The following GRID1 variants were observed in gnomAD, a reference collection of about 807,000 sequenced individuals.
GRID1 encodes the protein glutamate receptor ionotropic, delta-1.
A neutral mutation model predicts 98.0 loss-of-function variants in GRID1; 28 were observed. The ratio of observed to expected loss-of-function variants is 0.29; its 90% CI spans 0.21 to 0.39. The LOEUF (loss-of-function observed/expected upper bound fraction) is 0.39. Ranked by LOEUF, GRID1 falls within the 10% of genes least tolerant of loss-of-function variation. The pLI, the probability that GRID1 is intolerant of heterozygous loss-of-function variation, is 1.00. For synonymous variants in GRID1, 553 were observed against 538.5 expected, an observed-to-expected ratio of 1.03 and a Z score of -0.37; for missense variants, 1,111 against 1,340.5, an observed-to-expected ratio of 0.83 and a Z score of 2.67.
At chr10:86,180,825 T>G (rs1845644951) in intron 3 of GRID1, among the ~76,000 whole-genome samples, 2 of 151,996 alleles carry the variant, frequency 1.3e-5, no homozygotes, top group Admixed American at 6.5e-5. Context: ...GGCAATAAGA[T>G]CCCTGTAGCC....
intron 14 of GRID1, among the ~76,000 whole-genome samples, chr10:85,617,467 C>T (rs1842805801): frequency 6.6e-6 from 1 of 152,114 alleles, no homozygotes; most frequent in African/African-American, 2.4e-5. Context: ...CTCCTGGCCT[C>T]ACGTGATCTG....
chr10:85,613,057 C>T, intron 15 of GRID1: 1 of 256,528 alleles, frequency 3.9e-6, no homozygotes, highest in South Asian at 9.2e-5. Context: ...CTCTCTTACC[C>T]TACAGGTGGT....
chr10:85,627,613 A>T (rs1168223806), intron 13 of GRID1, among the ~76,000 whole-genome samples: 1 of 152,188 alleles, frequency 6.6e-6, no homozygotes, highest in Non-Finnish European at 1.5e-5. Context: ...CAGCTCAGCA[A>T]GCCTCACCTT....
At chr10:85,723,564 C>T (rs1409926766) in intron 11 of GRID1, among the ~76,000 whole-genome samples, 1 of 152,158 alleles carries the variant, frequency 6.6e-6, no homozygotes, top group Non-Finnish European at 1.5e-5. Context: ...ATAACTCCTA[C>T]TACATGGAGG....
chr10:86,121,437 C>G (rs1420397101), intron 4 of GRID1, among the ~76,000 whole-genome samples: 2 of 141,072 alleles, frequency 1.4e-5, no homozygotes, highest in Non-Finnish European at 2.9e-5. Context: ...TTATCATCAT[C>G]ATTAACATAA....
chr10:85,858,737 T>C (rs763047687), intron 6 of GRID1, among the ~76,000 whole-genome samples: 1 of 152,206 alleles, frequency 6.6e-6, no homozygotes, highest in Non-Finnish European at 1.5e-5. Context: ...CACCAACTGA[T>C]AGCTGATGCT....
intron 2 of GRID1, among the ~76,000 whole-genome samples, chr10:86,298,396 T>C (rs1847625592): frequency 6.6e-6 from 1 of 152,218 alleles, no homozygotes; most frequent in Non-Finnish European, 1.5e-5. Flanking sequence ...CATTCTAATG[T>C]AATAGCATTT....
At chr10:85,719,225 A>G (rs983214406) in intron 12 of GRID1, among the ~76,000 whole-genome samples, 2 of 152,178 alleles carry the variant, frequency 1.3e-5, no homozygotes, top group African/African-American at 4.8e-5. Flanking sequence ...CCATTCAACA[A>G]GTCTCTAGGA....
At chr10:86,180,293 C>T (rs2132000494) in intron 3 of GRID1, among the ~76,000 whole-genome samples, 1 of 152,274 alleles carries the variant, frequency 6.6e-6, no homozygotes, top group African/African-American at 2.4e-5. Context: ...GCAGGAGCCC[C>T]TCATTTTACC....
chr10:85,902,314 C>A (rs1292851650), intron 5 of GRID1, among the ~76,000 whole-genome samples: 1 of 152,280 alleles, frequency 6.6e-6, no homozygotes, highest in East Asian at 1.9e-4. Context: ...CTGGGTGGGA[C>A]AAAGCAGTAC....
At chr10:86,037,987 C>T (rs900357428) in intron 4 of GRID1, among the ~76,000 whole-genome samples, 4 of 151,538 alleles carry the variant, frequency 2.6e-5, no homozygotes, top group African/African-American at 9.7e-5. Flanking sequence ...TAAGGTGGGC[C>T]CTAATCCAAT....
chr10:86,274,438 T>A (rs1213771890), intron 2 of GRID1, among the ~76,000 whole-genome samples: 3 of 152,228 alleles, frequency 2.0e-5, no homozygotes, highest in Non-Finnish European at 2.9e-5. Context: ...TTTTTTCCAA[T>A]ACTGTGAAGA....
intron 3 of GRID1, among the ~76,000 whole-genome samples, chr10:86,143,121 T>A (rs1364354762): frequency 6.6e-6 from 1 of 152,194 alleles, no homozygotes; most frequent in Non-Finnish European, 1.5e-5. Context: ...TGATGCTGGC[T>A]GAAGCCAGTG....
At chr10:85,888,268 C>T (rs949177730) in intron 5 of GRID1, among the ~76,000 whole-genome samples, 1 of 152,200 alleles carries the variant, frequency 6.6e-6, no homozygotes, top group Admixed American at 6.5e-5. Flanking sequence ...TCATCCACCT[C>T]CTCCATCACA....
At chr10:86,287,501 C>T (rs1281605950) in intron 2 of GRID1, among the ~76,000 whole-genome samples, 5 of 152,148 alleles carry the variant, frequency 3.3e-5, no homozygotes, top group Admixed American at 3.3e-4. Flanking sequence ...GCACTGGCAC[C>T]CTGGATCAAA....
intron 4 of GRID1, among the ~76,000 whole-genome samples, chr10:85,954,798 T>C (rs1842168728): frequency 6.6e-6 from 1 of 152,194 alleles, no homozygotes. Context: ...TAGTGTGAAC[T>C]CAAACATTTA....
Position 86,353,006 on chromosome 10 carries a change from T to G in GRID1, c.235+10935A>C, listed in dbSNP as rs75085464. Among the ~76,000 whole-genome samples the G allele has an allele frequency of 3.5e-3, 538 of 152,262 alleles. 3 individuals are homozygous for G. Among genetic ancestry groups the G allele is most frequent in the African/African-American group, 0.012 (518 of 41,542 alleles). On this transcript the variant is annotated intron_variant, in intron 2 of 15. Coordinates refer to ENST00000327946, the MANE Select transcript of GRID1 (RefSeq NM_017551.3). The stretch of plus-strand genomic sequence containing the variant: ...CTGCAATGACCATCCCATTGGATGA[T>G]CTCTGAGAGCCCTGAGGTCAGGCCT...
At chr10:85,630,132 T>C (rs1051136341) in intron 13 of GRID1, among the ~76,000 whole-genome samples, 8 of 152,244 alleles carry the variant, frequency 5.3e-5, no homozygotes, top group Admixed American at 1.3e-4. Flanking sequence ...TTTTCTCTTA[T>C]GTTATCTGCC....
chr10:86,083,389 G>A (rs1417049429), intron 4 of GRID1, among the ~76,000 whole-genome samples: 1 of 152,138 alleles, frequency 6.6e-6, no homozygotes, highest in East Asian at 1.9e-4. Context: ...CTCCTGTGCT[G>A]CTGTAGAACA....
Sources: gnomAD v4.1 joint callset for allele counts (sites outside exome capture counted in the v4.1 genomes callset) on GRCh38, gnomAD v4.1.1 for gene constraint, MANE v1.5 for transcripts, NCBI Gene and HGNC (gene_info 2026-07-23, HGNC 2026-07-21) for gene names.